Variants in ASXL2 observed in about 807,000 individuals in gnomAD.
The protein encoded by ASXL2 is ASXL transcriptional regulator 2.
In ASXL2, 23 loss-of-function variants were observed where a neutral mutation model predicts 122.0. The observed-to-expected ratio is 0.19, with a 90% CI of 0.14 to 0.27. The LOEUF (loss-of-function observed/expected upper bound fraction) is 0.27. Among genes scored for constraint, ASXL2 ranks in the 10% least tolerant of loss-of-function variants. The pLI, the probability that ASXL2 is intolerant of heterozygous loss-of-function variation, is 1.00. For synonymous variants in ASXL2, 650 were observed against 637.0 expected (o/e 1.02, Z -0.31); for missense variants, 1,518 against 1,713.8 (o/e 0.89, Z 2.02).
In ASXL2 at chr2:25,771,550, A is replaced by C. The variant is rs771234484; in HGVS notation, c.404-10T>G. 4 of 1,602,400 alleles carry C rather than the reference A, an allele frequency of 2.5e-6. No individual in the cohort carries two copies. In the South Asian group the frequency reaches 4.4e-5, roughly 18 times the overall value. ...GGGGAGGACGACGATACTAGGGAAA[A>C]AAAAGTGACAATAAAAGATTTTTGT... On this transcript the variant is annotated splice_polypyrimidine_tract_variant and intron_variant, in intron 5 of 12. Coordinates refer to ENST00000435504, the MANE Select transcript of ASXL2 (RefSeq NM_018263.6).
intron 5 of ASXL2, among the ~76,000 whole-genome samples, chr2:25,777,833 T>C (rs2088573586): frequency 6.6e-6 from 1 of 152,162 alleles, no homozygotes; most frequent in African/African-American, 2.4e-5. Flanking sequence ...CTCCTCAAAT[T>C]ATACTTCTAG....
chr2:25,865,207 G>A (rs1430073718), intron 1 of ASXL2, among the ~76,000 whole-genome samples: 3 of 149,386 alleles, frequency 2.0e-5, no homozygotes, highest in African/African-American at 7.4e-5. Flanking sequence ...GAAGTGGGTG[G>A]CTCACTTGAG....
At chr2:25,790,361 C>G (rs2088812297) in intron 5 of ASXL2, among the ~76,000 whole-genome samples, 1 of 149,358 alleles carries the variant, frequency 6.7e-6, no homozygotes, top group Admixed American at 6.7e-5. Context: ...AGCAAGGTTT[C>G]CTAGGACTAC....
At chr2:25,788,068 C>T (rs2088776356) in intron 5 of ASXL2, among the ~76,000 whole-genome samples, 1 of 152,156 alleles carries the variant, frequency 6.6e-6, no homozygotes. Context: ...CAAACCATAA[C>T]TATATGGTCA....
At chr2:25,786,666 C>G (rs2088752927) in intron 5 of ASXL2, among the ~76,000 whole-genome samples, 1 of 151,980 alleles carries the variant, frequency 6.6e-6, no homozygotes, top group South Asian at 2.1e-4. Context: ...CCAGCCTGAC[C>G]AAAATGGTGA....
chr2:25,865,463 A>G (rs1377076523), intron 1 of ASXL2, among the ~76,000 whole-genome samples: 1 of 149,930 alleles, frequency 6.7e-6, no homozygotes, highest in Admixed American at 6.7e-5. Flanking sequence ...ATGTTATAAA[A>G]ATTTTTTTTA....
intron 2 of ASXL2, among the ~76,000 whole-genome samples, chr2:25,843,512 G>T (rs971502351): frequency 4.6e-5 from 7 of 151,808 alleles, no homozygotes; most frequent in African/African-American, 1.7e-4. Context: ...TATAAAGTAA[G>T]GTAAACTAAT....
intron 1 of ASXL2, among the ~76,000 whole-genome samples, chr2:25,868,871 A>G (rs1180981647): frequency 6.6e-6 from 1 of 152,126 alleles, no homozygotes; most frequent in African/African-American, 2.4e-5. Flanking sequence ...TCTATAAAAA[A>G]TACAAAACAT....
At chr2:25,786,524 C>A (rs2088749526) in intron 5 of ASXL2, among the ~76,000 whole-genome samples, 2 of 151,962 alleles carry the variant, frequency 1.3e-5, no homozygotes, top group Admixed American at 1.3e-4. Context: ...CAGGCGTGAG[C>A]CACCACGCCC....
intron 8 of ASXL2, among the ~76,000 whole-genome samples, chr2:25,761,472 A>G (rs1049220897): frequency 5.9e-5 from 9 of 152,216 alleles, no homozygotes; most frequent in Admixed American, 5.9e-4. Context: ...CAGGAGATCG[A>G]GACCATCCTG....
intron 1 of ASXL2, among the ~76,000 whole-genome samples, chr2:25,859,643 GC>G (rs971410472): frequency 2.4e-4 from 37 of 152,302 alleles, no homozygotes; most frequent in Non-Finnish European, 4.7e-4. Context: ...GCAGAGAGGA[GC>G]TAAAGACTCT....
intron 5 of ASXL2, among the ~76,000 whole-genome samples, chr2:25,781,593 G>T (rs1574413362): frequency 7.4e-6 from 1 of 135,666 alleles, no homozygotes; most frequent in African/African-American, 2.8e-5. Flanking sequence ...GTCTCACTCT[G>T]TCACCCAGCC....
chr2:25,833,505 A>C (rs2089476998), intron 3 of ASXL2, among the ~76,000 whole-genome samples: 1 of 151,976 alleles, frequency 6.6e-6, no homozygotes. Context: ...GATCGGCCTG[A>C]CCAACACAGT....
chr2:25,752,971 ATT>A (rs200703952), intron 11 of ASXL2, among the ~76,000 whole-genome samples: 2 of 145,300 alleles, frequency 1.4e-5, no homozygotes, highest in Admixed American at 6.9e-5. Context: ...TTAGAAATGT[ATT>A]TTTTTTTTTT....
At chr2:25,766,940 G>C (rs1220981134) in intron 8 of ASXL2, among the ~76,000 whole-genome samples, 1 of 152,026 alleles carries the variant, frequency 6.6e-6, no homozygotes, top group East Asian at 1.9e-4. Flanking sequence ...TCCAATTCTT[G>C]AGCCTTCCCG....
Position 25,741,003 on chromosome 2 carries a change from G to T in ASXL2, c.*1026C>A. The T allele has an allele frequency of 5.2e-6, 1 of 190,902 alleles. No homozygotes were observed. 11.8% of individuals were successfully genotyped at this position (190,902 alleles called of 1,614,324 possible). A position where few individuals can be genotyped will look rare whatever the true frequency, so the allele number is the denominator to read the frequency against. On this transcript the variant is annotated 3_prime_UTR_variant, in exon 13 of 13. Transcript: ENST00000435504. The stretch of plus-strand genomic sequence containing the variant: ...AGGTTAACAGGTTGGGAGAGAAGAG[G>T]AAAAGAGAAGCGACCTTGTTCTAGT...
intron 2 of ASXL2, among the ~76,000 whole-genome samples, chr2:25,838,395 T>C (rs2089538436): frequency 6.6e-6 from 1 of 152,226 alleles, no homozygotes; most frequent in Non-Finnish European, 1.5e-5. Context: ...AGTTAATAAC[T>C]TTCCTGTTCA....
At chr2:25,863,866 T>C (rs1292749497) in intron 1 of ASXL2, among the ~76,000 whole-genome samples, 2 of 150,346 alleles carry the variant, frequency 1.3e-5, no homozygotes, top group African/African-American at 4.9e-5. Flanking sequence ...ATTAGCTGGG[T>C]ATGGTGGCAG....
rs1347555067 is a variant in ASXL2 at position 25,734,288 on chromosome 2, C to A, written c.*7741G>T. On this transcript the variant is annotated 3_prime_UTR_variant, in exon 13 of 13. Transcript: ENST00000435504. ...TTATCTAACAAAGGGGTAACCAAAT[C>A]CAAGACTCTGGAAGCATCTGATTAA... 2.0e-5 allele frequency: 3 copies of A among 152,058 alleles called. No homozygotes were observed. The highest frequency in any genetic ancestry group is 2.9e-5 in the Non-Finnish European group (2 of 68,006). The allele number at this position is 152,058 out of a possible 1,614,324, so 9.4% of individuals were successfully genotyped here.
Sources: gnomAD v4.1 joint callset for allele counts (sites outside exome capture counted in the v4.1 genomes callset) on GRCh38, gnomAD v4.1.1 for gene constraint, MANE v1.5 for transcripts, NCBI Gene and HGNC (gene_info 2026-07-23, HGNC 2026-07-21) for gene names.